Variants in BTBD9 observed in about 807,000 individuals in gnomAD.
The protein encoded by BTBD9 is BTB domain containing 9, also known as BTB/POZ domain-containing protein 9.
BTBD9 carries 49 observed loss-of-function variants against 64.3 expected under a neutral mutation model. The ratio of observed to expected loss-of-function variants is 0.76; its 90% confidence interval spans 0.61 to 0.97. The LOEUF (loss-of-function observed/expected upper bound fraction) is 0.97, where lower values mean the gene tolerates loss of function less well. Among genes scored for constraint, BTBD9 ranks in the 50% least tolerant of loss-of-function variants. BTBD9 has a pLI of 0.00. For synonymous variants in BTBD9, 260 were observed against 274.7 expected, an observed-to-expected ratio of 0.95 and a Z score of 0.53; for missense variants, 598 against 762.1, an observed-to-expected ratio of 0.78 and a Z score of 2.53.
At chr6:38,322,639 A>G (rs1453330163) in intron 7 of BTBD9, among the ~76,000 whole-genome samples, 1 of 152,244 alleles carries the variant, frequency 6.6e-6, no homozygotes, top group Non-Finnish European at 1.5e-5. Context: ...ATAGCCATTT[A>G]CCGCTCCATT....
intron 10 of BTBD9, among the ~76,000 whole-genome samples, chr6:38,181,193 G>A (rs1761538211): frequency 6.6e-6 from 1 of 152,214 alleles, no homozygotes; most frequent in Non-Finnish European, 1.5e-5. Context: ...ACTGTGAACT[G>A]CAGCAGAAAT....
At chr6:38,324,763 A>T (rs1241127238) in intron 7 of BTBD9, among the ~76,000 whole-genome samples, 4 of 152,236 alleles carry the variant, frequency 2.6e-5, no homozygotes. Flanking sequence ...AAAATTAAAT[A>T]TGTGCATACT....
At chr6:38,214,822 T>C (rs911291759) in intron 9 of BTBD9, among the ~76,000 whole-genome samples, 2 of 152,190 alleles carry the variant, frequency 1.3e-5, no homozygotes, top group African/African-American at 2.4e-5. Flanking sequence ...CAAGCAGCCA[T>C]AAGACACAAG....
intron 10 of BTBD9, among the ~76,000 whole-genome samples, chr6:38,188,395 T>C (rs1761909158): frequency 6.6e-6 from 1 of 152,194 alleles, no homozygotes; most frequent in Admixed American, 6.5e-5. Flanking sequence ...CATGCTGCGC[T>C]TCCCCACCAG....
chr6:38,291,775 G>A (rs950382677), intron 7 of BTBD9, among the ~76,000 whole-genome samples: 2 of 152,126 alleles, frequency 1.3e-5, no homozygotes, highest in Admixed American at 6.6e-5. Flanking sequence ...CACTGGTTCT[G>A]TTTATGTGAT....
chr6:38,392,928 GC>G (rs2127624286), intron 6 of BTBD9, among the ~76,000 whole-genome samples: 1 of 143,822 alleles, frequency 7.0e-6, no homozygotes, highest in Non-Finnish European at 1.5e-5. Flanking sequence ...AGGCTAGAGT[GC>G]AGTGGCATGA....
chr6:38,217,318 CAAAAAAAAA>C (rs3047754), intron 9 of BTBD9, among the ~76,000 whole-genome samples: 2 of 69,254 alleles, frequency 2.9e-5, no homozygotes, highest in East Asian at 4.3e-4. Context: ...GACTCCATCT[CAAAAAAAAA>C]AAAAAAAAAA....
At chr6:38,198,701 A>G (rs1762352588) in intron 9 of BTBD9, among the ~76,000 whole-genome samples, 1 of 152,268 alleles carries the variant, frequency 6.6e-6, no homozygotes, top group African/African-American at 2.4e-5. Context: ...GGCTAGGGCC[A>G]GACTGGCAAG....
chr6:38,604,308 G>A (rs915300786), intron 1 of BTBD9, among the ~76,000 whole-genome samples: 17 of 150,702 alleles, frequency 1.1e-4, no homozygotes, highest in Admixed American at 4.0e-4. Flanking sequence ...AATATGCTCC[G>A]GTTTGACCAC....
At chr6:38,583,467 C>A (rs1333752487) in intron 4 of BTBD9, among the ~76,000 whole-genome samples, 1 of 152,050 alleles carries the variant, frequency 6.6e-6, no homozygotes, top group Non-Finnish European at 1.5e-5. Flanking sequence ...CCACTGCACT[C>A]CAGCCTGGAT....
chr6:38,448,403 A>T (rs1003181484), intron 6 of BTBD9, among the ~76,000 whole-genome samples: 1 of 152,246 alleles, frequency 6.6e-6, no homozygotes, highest in African/African-American at 2.4e-5. Flanking sequence ...GGAAGGAAAA[A>T]GGACAAAGAC....
In BTBD9 at chr6:38,535,645, G is replaced by A. The variant is rs189716527; in HGVS notation, c.1154+41955C>T. Among the ~76,000 whole-genome samples, 8 of 152,112 alleles carry A rather than the reference G, an allele frequency of 5.3e-5. No individual in the cohort carries two copies. In the East Asian group the frequency reaches 1.4e-3, roughly 26 times the overall value. ...AAGTAACCAAAACAGCATGTTACTG[G>A]CATTAAAAAACAGATACATAGACCA... On this transcript the variant is annotated intron_variant, in intron 6 of 10. Coordinates refer to ENST00000481247, the MANE Select transcript of BTBD9 (RefSeq NM_001099272.2).
intron 6 of BTBD9, among the ~76,000 whole-genome samples, chr6:38,574,132 C>T (rs1358627594): frequency 6.6e-6 from 1 of 152,200 alleles, no homozygotes; most frequent in Non-Finnish European, 1.5e-5. Context: ...AACTCACGAA[C>T]ATTCCTAAAA....
chr6:38,491,559 T>A (rs1771703133), intron 6 of BTBD9, among the ~76,000 whole-genome samples: 1 of 152,232 alleles, frequency 6.6e-6, no homozygotes, highest in African/African-American at 2.4e-5. Flanking sequence ...TTAGCACTGA[T>A]TAAAACATAA....
At chr6:38,306,023 A>C (rs532911170) in intron 7 of BTBD9, among the ~76,000 whole-genome samples, 1 of 152,330 alleles carries the variant, frequency 6.6e-6, no homozygotes, top group African/African-American at 2.4e-5. Flanking sequence ...GGTTTGAATA[A>C]GTTCTGTGGT....
At chr6:38,392,875 ATT>A (rs11403915) in intron 6 of BTBD9, among the ~76,000 whole-genome samples, 3 of 137,308 alleles carry the variant, frequency 2.2e-5, no homozygotes, top group Non-Finnish European at 3.1e-5. Context: ...TAAGACAATG[ATT>A]TTTTTTTTTT....
chr6:38,443,162 T>C (rs140843261), intron 6 of BTBD9, among the ~76,000 whole-genome samples: 7 of 152,282 alleles, frequency 4.6e-5, no homozygotes, highest in Non-Finnish European at 1.0e-4. Context: ...AAAGCTAGAA[T>C]TCTATACTAA....
chr6:38,355,261 C>G (rs556358379), intron 6 of BTBD9, among the ~76,000 whole-genome samples: 14 of 152,304 alleles, frequency 9.2e-5, no homozygotes, highest in South Asian at 2.1e-4. Flanking sequence ...TCAAACCTAA[C>G]AGTCTACCCA....
At chr6:38,531,769 C>A (rs1773810724) in intron 6 of BTBD9, among the ~76,000 whole-genome samples, 2 of 152,132 alleles carry the variant, frequency 1.3e-5, no homozygotes, top group Non-Finnish European at 2.9e-5. Flanking sequence ...TATGCAATCA[C>A]TATTAAGTTG....
Sources: allele counts gnomAD v4.1 joint callset (sites outside exome capture counted in the v4.1 genomes callset), GRCh38; gene constraint gnomAD v4.1.1; transcripts MANE v1.5; gene names NCBI Gene and HGNC (gene_info 2026-07-23, HGNC 2026-07-21).